The following ARHGAP27 variants were observed in gnomAD, a reference collection of about 807,000 sequenced individuals.
ARHGAP27 encodes the protein Rho GTPase activating protein 27.
Under a neutral mutation model 102.0 loss-of-function variants are expected in ARHGAP27, and 53 were observed. The ratio of observed to expected loss-of-function variants is 0.52; its 90% CI spans 0.42 to 0.65. ARHGAP27 has a LOEUF of 0.65. Among genes scored for constraint, ARHGAP27 ranks in the 30% least tolerant of loss-of-function variants. ARHGAP27 has a pLI of 0.00. For missense variants in ARHGAP27, 1,117 were observed against 1,256.2 expected (o/e 0.89, Z 1.68); for synonymous variants, 525 against 542.8 (o/e 0.97, Z 0.46).
At chr17:45,403,383 AACCCTATCTCT>A (rs2046689966) in intron 11 of ARHGAP27, among the ~76,000 whole-genome samples, 1 of 152,046 alleles carries the variant, frequency 6.6e-6, no homozygotes, top group African/African-American at 2.4e-5. Flanking sequence ...AACATAGTAA[AACCCTATCTCT>A]ACTAAAAACA....
chr17:45,404,089 G>A lies in ARHGAP27; in HGVS notation c.1487C>T (p.Thr496Ile). 1 of 1,614,122 alleles carries A rather than the reference G, an allele frequency of 6.2e-7. No individual in the cohort carries two copies. The highest frequency in any genetic ancestry group is 8.5e-7 in the Non-Finnish European group (1 of 1,180,022). The change falls in exon 10 of 20, where the codon ACC (threonine) becomes ATC (isoleucine). Residue 496 changes from threonine to isoleucine, a missense_variant. By Grantham distance (89) the Thr-to-Ile change is moderately conservative. Coordinates refer to ENST00000685559, the MANE Select transcript of ARHGAP27 (RefSeq NM_001282290.2). Reference sequence around the variant, plus strand: ...ATGGAGCACCCCTGCCTTGTCCAAGGTCTTGGTCTAAGAGAGAGAAGAGAG... The same window carrying A: ...ATGGAGCACCCCTGCCTTGTCCAAGATCTTGGTCTAAGAGAGAGAAGAGAG... ...SPATAAVRTK[T>I]LDKAGVLHRT...
chr17:45,398,745 A>C (rs1054263995), intron 12 of ARHGAP27, among the ~76,000 whole-genome samples: 2 of 151,938 alleles, frequency 1.3e-5, no homozygotes, highest in Non-Finnish European at 2.9e-5. Context: ...AAAAAAAAAA[A>C]ACAAAACAAA....
rs1343481924 is a variant in ARHGAP27, at chr17:45,432,301, G to A, written c.-236C>T. On this transcript the variant is annotated 5_prime_UTR_variant, in exon 2 of 20. Transcript: ENST00000685559. ...GCAGGGACGCCCACCGGAGCTCGATGTCTCGGGCTGGATAAGAAGGGGACC... is the reference window on the plus strand; with the variant it reads ...GCAGGGACGCCCACCGGAGCTCGATATCTCGGGCTGGATAAGAAGGGGACC... The A allele has an allele frequency of 6.4e-6, 1 of 155,410 alleles. No individual in the cohort carries two copies. Among genetic ancestry groups the A allele is most frequent in the African/African-American group, 2.4e-5 (1 of 41,488 alleles). 9.6% of individuals were successfully genotyped at this position (155,410 alleles called of 1,614,324 possible).
Position 45,404,609 on chromosome 17 carries a change from G to T in ARHGAP27, c.1321C>A (p.Leu441Met), listed in dbSNP as rs779302588. 1 of 1,613,928 alleles carries T rather than the reference G, an allele frequency of 6.2e-7. No individual in the cohort carries two copies. The highest frequency in any genetic ancestry group is 2.2e-5 in the East Asian group (1 of 44,892). The change falls in exon 7 of 20, where the codon CTG becomes ATG. Residue 441 changes from leucine to methionine, a missense_variant. Physicochemically the swap from Leu to Met is conservative, Grantham distance 15. Transcript: ENST00000685559. ...NPEDSSVRWE[L>M]PQVPVPAPRS... The stretch of plus-strand genomic sequence containing the variant: ...TTTCCCCAGGTTGTTACCTGGGGCA[G>T]CTCCCATCGAACAGAGGAGTCCTCT...
chr17:45,408,758 A>C (rs1316831305), intron 4 of ARHGAP27: 1 of 152,278 alleles, frequency 6.6e-6, no homozygotes, highest in Non-Finnish European at 1.5e-5. Context: ...CTCAGCTGAC[A>C]AGCCTCTCCA....
Position 45,394,258 on chromosome 17 carries a change from GGGGCCAAGAGCCACAAGCTGA to G in ARHGAP27, c.*1177_*1197del, listed in dbSNP as rs2045350943. The G allele has an allele frequency of 2.0e-5, 3 of 152,292 alleles. No individual in the cohort carries two copies. The allele number at this position is 152,292 out of a possible 1,614,324, so 9.4% of individuals were successfully genotyped here. On this transcript the variant is annotated 3_prime_UTR_variant, in exon 20 of 20. Coordinates refer to ENST00000685559, the MANE Select transcript of ARHGAP27 (RefSeq NM_001282290.2). The stretch of plus-strand genomic sequence containing the variant: ...ATGAACAGGTGGGTTGGTGGGGCTG[GGGGCCAAGAGCCACAAGCTGA>G]GGTGGCTTGTGTCTGAGGAGGGAAG...
intron 4 of ARHGAP27, among the ~76,000 whole-genome samples, chr17:45,407,142 G>A (rs980690671): frequency 6.6e-6 from 1 of 152,072 alleles, no homozygotes; most frequent in Non-Finnish European, 1.5e-5. Flanking sequence ...TCCCTCACCG[G>A]CCTGTGCTTC....
At position 45,429,541 on chromosome 17, in the gene ARHGAP27, G is replaced by T. The variant is rs770087082; in HGVS notation, c.657+82C>A. 3 of 1,557,706 alleles carry T rather than the reference G, an allele frequency of 1.9e-6. No homozygotes were observed. In the South Asian group the frequency reaches 3.5e-5, roughly 18 times the overall value. ...CGTCGTGCCCGACGCTGAGCGGAGC[G>T]GGTCTCCTTGCGCCCCGGCTCCGTG... On this transcript the variant is annotated intron_variant, in intron 4 of 19. Transcript: ENST00000685559.
intron 4 of ARHGAP27, among the ~76,000 whole-genome samples, chr17:45,426,620 C>T (rs888555813): frequency 2.0e-5 from 3 of 151,814 alleles, no homozygotes; most frequent in Non-Finnish European, 2.9e-5. Context: ...CTCTGTTCTG[C>T]ACCCACTTTC....
rs147677035 is a variant in ARHGAP27 at position 45,405,102 on chromosome 17, G to C, written c.1070C>G (p.Pro357Arg). The C allele has an allele frequency of 7.0e-4, 1,105 of 1,572,658 alleles. No individual in the cohort carries two copies. Among genetic ancestry groups the C allele is most frequent in the Non-Finnish European group, 9.2e-4 (1,068 of 1,157,608 alleles). Reference protein sequence around the residue: ...SPGSPGDPRPPTPETDYPESL... With the variant: ...SPGSPGDPRPRTPETDYPESL... ...CTCGGGGTAGTCCGTCTCGGGAGTGGGGGGCTGCGGGGAACAGAAGGTGGA... is the reference window on the plus strand; with the variant it reads ...CTCGGGGTAGTCCGTCTCGGGAGTGCGGGGCTGCGGGGAACAGAAGGTGGA... Residue 357 changes from proline (P) to arginine (R), a missense_variant, in exon 6 of 20, where the codon CCC (proline) becomes CGC (arginine). Physicochemically the swap from Pro to Arg is moderately radical, Grantham distance 103. Coordinates refer to ENST00000685559, the MANE Select transcript of ARHGAP27 (RefSeq NM_001282290.2).
At chr17:45,411,522 A>T (rs1447756142) in intron 4 of ARHGAP27, among the ~76,000 whole-genome samples, 2 of 152,000 alleles carry the variant, frequency 1.3e-5, no homozygotes, top group Non-Finnish European at 2.9e-5. Flanking sequence ...CCCCAAGCAG[A>T]GCCAGGCACA....
intron 4 of ARHGAP27, among the ~76,000 whole-genome samples, chr17:45,419,117 A>C (rs1235177659): frequency 6.6e-6 from 1 of 152,184 alleles, no homozygotes; most frequent in Admixed American, 6.5e-5. Context: ...ACCAGACCCC[A>C]GCACAGCCGG....
chr17:45,395,258 T>A lies in ARHGAP27; in HGVS notation c.*198A>T. ...CGGGAAGGGAAGGGGGGATGGGGAG[T>A]TGGGAAGAAGGAATCACATTTTGCA... On this transcript the variant is annotated 3_prime_UTR_variant, in exon 20 of 20. Transcript: ENST00000685559. 1 of 621,502 alleles carries A rather than the reference T, an allele frequency of 1.6e-6. No individual in the cohort carries two copies. Among genetic ancestry groups the A allele is most frequent in the Non-Finnish European group, 2.7e-6 (1 of 372,158 alleles). 38.5% of individuals were successfully genotyped at this position (621,502 alleles called of 1,614,324 possible). A position where few individuals can be genotyped will look rare whatever the true frequency, so the allele number is the denominator to read the frequency against.
rs978204915 is a variant in ARHGAP27 at position 45,429,833 on chromosome 17, C to T, written c.447G>A (p.Ala149=). ...LPACLYLRPA[A]PVRPAQSLND... is the part of the protein sequence containing the mutation. Reference sequence around the variant, plus strand: ...TCAGGGACTGCGCGGGCCGCACGGGCGCCGCGGGCCGCAGGTACAGGCAGG... The same window carrying T: ...TCAGGGACTGCGCGGGCCGCACGGGTGCCGCGGGCCGCAGGTACAGGCAGG... The change falls in exon 4 of 20, where the codon GCG becomes GCA. Residue 149 remains alanine (A), a synonymous_variant. Transcript: ENST00000685559. The T allele has an allele frequency of 7.1e-7, 1 of 1,400,888 alleles. No homozygotes were observed. Among genetic ancestry groups the T allele is most frequent in the Non-Finnish European group, 9.2e-7 (1 of 1,086,758 alleles). 86.8% of individuals were successfully genotyped at this position (1,400,888 alleles called of 1,614,324 possible).
intron 4 of ARHGAP27, among the ~76,000 whole-genome samples, chr17:45,424,705 A>G (rs1237778227): frequency 6.6e-6 from 1 of 151,576 alleles, no homozygotes; most frequent in Non-Finnish European, 1.5e-5. Flanking sequence ...AAGACTACAC[A>G]TTGGGTACAG....
intron 16 of ARHGAP27, 64 bp downstream of exon 16, chr17:45,396,423 G>C (rs558073474): frequency 1.4e-6 from 2 of 1,470,266 alleles, no homozygotes; most frequent in Non-Finnish European, 1.8e-6. Flanking sequence ...TCCAGCCTGC[G>C]GTCCTGGCAG....
At chr17:45,428,622 C>T (rs1370422002) in intron 4 of ARHGAP27, among the ~76,000 whole-genome samples, 2 of 152,196 alleles carry the variant, frequency 1.3e-5, no homozygotes, top group African/African-American at 2.4e-5. Context: ...ACATAGTGGG[C>T]ATCAGTGTTC....
chr17:45,396,820 G>A (rs748919047), intron 14 of ARHGAP27, 30 bp from the exon 15 acceptor site: 2 of 1,607,920 alleles, frequency 1.2e-6, no homozygotes, highest in South Asian at 1.1e-5. Context: ...GACTGAGTCA[G>A]GAGGCAGCGC....
intron 4 of ARHGAP27, among the ~76,000 whole-genome samples, chr17:45,419,543 T>C (rs1597849054): frequency 7.7e-6 from 1 of 130,136 alleles, no homozygotes; most frequent in African/African-American, 2.6e-5. Flanking sequence ...TATATATATA[T>C]ATATATATAT....
Sources: allele counts gnomAD v4.1 joint callset (sites outside exome capture counted in the v4.1 genomes callset), GRCh38; gene constraint gnomAD v4.1.1; transcripts MANE v1.5; gene names NCBI Gene and HGNC (gene_info 2026-07-23, HGNC 2026-07-21).